Variants in LDB2 observed in about 807,000 individuals in gnomAD.
LDB2 encodes LIM domain-binding protein 2.
LDB2 carries 12 observed loss-of-function variants against 44.3 expected under a neutral mutation model. The observed-to-expected ratio is 0.27, with a 90% confidence interval of 0.17 to 0.44. LDB2 has a LOEUF of 0.44. Among genes scored for constraint, LDB2 ranks in the 20% least tolerant of loss-of-function variants. LDB2 has a pLI of 1.00. For synonymous variants in LDB2, 164 were observed against 174.8 expected (o/e 0.94, Z 0.49); for missense variants, 344 against 473.5 (o/e 0.73, Z 2.54).
chr4:16,766,511 T>TGTGTGTG (rs1491277378), intron 1 of LDB2, among the ~76,000 whole-genome samples: 1 of 10,678 alleles, frequency 9.4e-5, no homozygotes, highest in Admixed American at 7.5e-4. Context: ...TGTGTATATA[T>TGTGTGTG]TTTTTTTTTT....
chr4:16,698,547 T>C (rs1226912127), intron 2 of LDB2, among the ~76,000 whole-genome samples: 1 of 152,210 alleles, frequency 6.6e-6, no homozygotes, highest in East Asian at 1.9e-4. Context: ...ATGTTTATTA[T>C]TTGCATTTCT....
At chr4:16,829,511 C>T (rs546464244) in intron 1 of LDB2, among the ~76,000 whole-genome samples, 6 of 152,226 alleles carry the variant, frequency 3.9e-5, no homozygotes, top group Admixed American at 3.9e-4. Flanking sequence ...AAAGAGGGCA[C>T]ATTTTTAAGA....
chr4:16,881,639 C>T (rs1174950226), intron 1 of LDB2, among the ~76,000 whole-genome samples: 1 of 146,694 alleles, frequency 6.8e-6, no homozygotes, highest in African/African-American at 2.5e-5. Flanking sequence ...TAAGTAACCA[C>T]CTGGAAGTTC....
intron 1 of LDB2, among the ~76,000 whole-genome samples, chr4:16,783,731 G>C (rs1263051318): frequency 2.6e-5 from 4 of 152,152 alleles, no homozygotes; most frequent in African/African-American, 7.2e-5. Flanking sequence ...GTTCCTAATT[G>C]CTTCCTCATG....
chr4:16,812,582 T>TTATATATATATATATATATATATA (rs6148319), intron 1 of LDB2, among the ~76,000 whole-genome samples: 16 of 115,556 alleles, frequency 1.4e-4, no homozygotes, highest in East Asian at 7.0e-4. Context: ...ATCAATGAAA[T>TTATATATATATATATATATATATA]TATATATATA....
chr4:16,810,307 C>T (rs1286153849), intron 1 of LDB2, among the ~76,000 whole-genome samples: 1 of 152,152 alleles, frequency 6.6e-6, no homozygotes, highest in Admixed American at 6.5e-5. Context: ...CCAAAATCAT[C>T]CTACCCACGG....
chr4:16,705,372 G>T (rs157485), intron 2 of LDB2, among the ~76,000 whole-genome samples: 2 of 151,858 alleles, frequency 1.3e-5, no homozygotes, highest in Non-Finnish European at 2.9e-5. Flanking sequence ...ACATTTTTTG[G>T]CTAAGGGAAA....
At chr4:16,644,136 C>T (rs1043839765) in intron 2 of LDB2, among the ~76,000 whole-genome samples, 34 of 152,170 alleles carry the variant, frequency 2.2e-4, no homozygotes, top group African/African-American at 8.2e-4. Context: ...ATGGTACTCC[C>T]GTTTGAAGAA....
chr4:16,596,789 G>A (rs973223588), intron 2 of LDB2, among the ~76,000 whole-genome samples: 1 of 152,018 alleles, frequency 6.6e-6, no homozygotes, highest in Admixed American at 6.6e-5. Flanking sequence ...TAAGTAGCTG[G>A]GCCTTTCTGA....
At chr4:16,516,700 T>C (rs1723871323) in intron 5 of LDB2, among the ~76,000 whole-genome samples, 1 of 152,186 alleles carries the variant, frequency 6.6e-6, no homozygotes, top group Non-Finnish European at 1.5e-5. Context: ...TCTTTTCCTT[T>C]TTTGCAGTGA....
At chr4:16,670,431 G>A (rs1435462707) in intron 2 of LDB2, among the ~76,000 whole-genome samples, 2 of 152,182 alleles carry the variant, frequency 1.3e-5, no homozygotes, top group African/African-American at 4.8e-5. Context: ...CACCACTGGG[G>A]TCATTGCTGG....
chr4:16,572,881 AGAGGAGGCGGAGGGGAAAAGAAG>A (rs2152403291), intron 5 of LDB2, among the ~76,000 whole-genome samples: 1 of 152,288 alleles, frequency 6.6e-6, no homozygotes, highest in East Asian at 1.9e-4. Context: ...TCTCCAAGAA[AGAGGAGGCGGAGGGGAAAAGAAG>A]GAGGAGGAGG....
At chr4:16,749,581 T>TAA (rs1277925447) in intron 2 of LDB2, among the ~76,000 whole-genome samples, 48 of 123,738 alleles carry the variant, frequency 3.9e-4, no homozygotes, top group Middle Eastern at 4.6e-3. Context: ...AATAAAAAAA[T>TAA]AAAAAAAAAT....
chr4:16,875,687 C>T (rs1434312894), intron 1 of LDB2, among the ~76,000 whole-genome samples: 1 of 152,162 alleles, frequency 6.6e-6, no homozygotes, highest in African/African-American at 2.4e-5. Flanking sequence ...CAGAGCCCTC[C>T]ACCAGAAGAG....
chr4:16,590,074 G>A (rs920497719), intron 3 of LDB2, among the ~76,000 whole-genome samples: 10 of 152,112 alleles, frequency 6.6e-5, no homozygotes, highest in Non-Finnish European at 8.8e-5. Context: ...AACACAAAGC[G>A]CTAGACCAGT....
intron 2 of LDB2, among the ~76,000 whole-genome samples, chr4:16,758,720 A>G (rs1268855089): frequency 6.6e-6 from 1 of 152,240 alleles, no homozygotes; most frequent in Non-Finnish European, 1.5e-5. Context: ...TGTCAAATAA[A>G]TACCTGAGAT....
At chr4:16,563,151 G>A (rs1376370746) in intron 5 of LDB2, among the ~76,000 whole-genome samples, 7 of 150,202 alleles carry the variant, frequency 4.7e-5, no homozygotes, top group African/African-American at 1.5e-4. Flanking sequence ...CACCAGCATG[G>A]CACATGTATA....
At chr4:16,706,480 C>G (rs927528108) in intron 2 of LDB2, among the ~76,000 whole-genome samples, 17 of 152,116 alleles carry the variant, frequency 1.1e-4, no homozygotes, top group Non-Finnish European at 2.4e-4. Context: ...TCTAGAACTG[C>G]GAGAAATAAA....
intron 2 of LDB2, among the ~76,000 whole-genome samples, chr4:16,736,424 C>T (rs550654562): frequency 5.3e-4 from 80 of 152,312 alleles, no homozygotes; most frequent in African/African-American, 1.7e-3. Context: ...GCTGTTTCCG[C>T]CTCCAACTTA....
Sources: allele counts gnomAD v4.1 joint callset (sites outside exome capture counted in the v4.1 genomes callset), GRCh38; gene constraint gnomAD v4.1.1; transcripts MANE v1.5; gene names NCBI Gene and HGNC (gene_info 2026-07-23, HGNC 2026-07-21).